Variants in TRPM5 observed in about 807,000 individuals in gnomAD.
TRPM5 encodes MLSN1 and TRP-related.
Under a neutral mutation model 124.9 loss-of-function variants are expected in TRPM5, and 121 were observed. The ratio of observed to expected loss-of-function variants is 0.97; its 90% CI spans 0.84 to 1.13. The LOEUF (loss-of-function observed/expected upper bound fraction) is 1.13, where lower values mean the gene tolerates loss of function less well. Ranked by LOEUF, TRPM5 falls within the 50% of genes most tolerant of loss-of-function variation. The probability of loss-of-function intolerance (pLI) is 0.00; values close to 1 mark genes in which losing one functional copy is unlikely to be tolerated. For missense variants in TRPM5, 1,643 were observed against 1,589.1 expected (o/e 1.03, Z -0.58); for synonymous variants, 781 against 700.5 (o/e 1.11, Z -1.81).
chr11:2,433,740 C>T, the TRPM5 span, among the ~76,000 whole-genome samples: 4 of 152,328 alleles, frequency 2.6e-5, no homozygotes, highest in Admixed American at 6.5e-5. Context: ...CAAGGACCAG[C>T]GTGTGCCTGT....
At chr11:2,424,762 A>T (rs1290222587), upstream of TRPM5, among the ~76,000 whole-genome samples, 1 of 152,158 alleles carries the variant, frequency 6.6e-6, no homozygotes, top group Non-Finnish European at 1.5e-5. Context: ...ACCATGAGAG[A>T]ATCAATTGCC....
At chr11:2,443,464 T>A in the TRPM5 span, among the ~76,000 whole-genome samples, 1 of 152,124 alleles carries the variant, frequency 6.6e-6, no homozygotes, top group Non-Finnish European at 1.5e-5. The surrounding 1 kb of genome is among the most constrained non-coding windows in gnomAD (Gnocchi z 5.0). Flanking sequence ...CCCAGGAAGG[T>A]ACCCTCTCCT....
intron 21 of TRPM5, 65 bp downstream of exon 26, chr11:2,406,596 C>G: frequency 6.5e-7 from 1 of 1,535,906 alleles, no homozygotes; most frequent in Non-Finnish European, 8.8e-7. Context: ...GTCACTGGCG[C>G]CAATGGCACA....
intron 6 of TRPM5, among the ~76,000 whole-genome samples, 155 bp from the exon 12 acceptor site, chr11:2,417,984 C>G (rs558122108): frequency 3.9e-5 from 6 of 152,218 alleles, no homozygotes; most frequent in African/African-American, 1.2e-4. Context: ...TGGGACCACC[C>G]GCAGACCAAG....
upstream of TRPM5, among the ~76,000 whole-genome samples, chr11:2,426,162 C>T (rs1252866852): frequency 1.3e-5 from 2 of 152,144 alleles, no homozygotes; most frequent in Non-Finnish European, 2.9e-5. Flanking sequence ...GGGCCCACAG[C>T]ACCTCCTTCC....
Position 2,418,205 on chromosome 11 carries a change from G to C in TRPM5, c.868C>G (p.His290Asp), listed in dbSNP as rs776460991. ...CGCACGATGTCCTCCCAAGAGAAAT[G>C]CTTGCTGGGGAACTTCTCCTTAAAC... Residue 290 changes from histidine (H) to aspartate (D), a missense_variant, in exon 6 of 24, where the codon CAT (histidine) becomes GAT (aspartate). By Grantham distance (81) the His-to-Asp change is moderately conservative. Coordinates refer to ENST00000155858, the Ensembl canonical transcript of TRPM5. 4.4e-6 allele frequency: 7 copies of C among 1,583,814 alleles called. No individual in the cohort carries two copies. In the East Asian group the frequency reaches 1.4e-4, roughly 31 times the overall value.
At chr11:2,427,350 C>T (rs116698958), upstream of TRPM5, among the ~76,000 whole-genome samples, 533 of 152,326 alleles carry the variant, frequency 3.5e-3, 6 homozygotes, top group African/African-American at 0.012. Flanking sequence ...CACCCTGACA[C>T]GCGGCTGCTG....
chr11:2,425,543 A>G (rs1031376309), upstream of TRPM5, among the ~76,000 whole-genome samples: 2 of 151,806 alleles, frequency 1.3e-5, no homozygotes, highest in Admixed American at 1.3e-4. Flanking sequence ...ACAGTATCCA[A>G]CCATTAGTGT....
At chr11:2,409,532 G>C (rs1034071404) in intron 18 of TRPM5, among the ~76,000 whole-genome samples, 34 of 152,348 alleles carry the variant, frequency 2.2e-4, no homozygotes, top group African/African-American at 8.2e-4. Flanking sequence ...AGTGCAGAGT[G>C]GGGCAGGGGT....
At chr11:2,420,368 C>T (rs769961413) in exon 4 of TRPM5, 10 of 1,612,644 alleles carry the variant, frequency 6.2e-6, no homozygotes, top group Non-Finnish European at 8.5e-6. Flanking sequence ...GCCCTGGCTG[C>T]CGCCGTCATC....
At chr11:2,405,259 C>T (rs574609001) in intron 23 of TRPM5, among the ~76,000 whole-genome samples, 74 of 152,326 alleles carry the variant, frequency 4.9e-4, no homozygotes, top group African/African-American at 1.6e-3. Flanking sequence ...CCGAGGGGCC[C>T]GTTTGCTTGC....
chr11:2,430,746 T>TTGG, the TRPM5 span, among the ~76,000 whole-genome samples: 3 of 103,424 alleles, frequency 2.9e-5, no homozygotes, highest in Non-Finnish European at 6.2e-5. Context: ...GGTGATGGTG[T>TTGG]TGGTGGTGGT....
At chr11:2,408,135 GC>G (rs569886890) in intron 18 of TRPM5, among the ~76,000 whole-genome samples, 202 of 152,262 alleles carry the variant, frequency 1.3e-3, no homozygotes, top group Middle Eastern at 6.8e-3. Context: ...CCCACCCTGG[GC>G]CCCCTCTGCC....
intron 7 of TRPM5, 113 bp from the exon 13 acceptor site, chr11:2,416,137 G>A (rs912561523): frequency 7.1e-6 from 5 of 706,322 alleles, no homozygotes; most frequent in Non-Finnish European, 1.2e-5. Flanking sequence ...GGAACTTCAC[G>A]CTGGGACTTG....
exon 24 of TRPM5, chr11:2,404,919 C>T (rs754783795): frequency 1.4e-4 from 229 of 1,605,068 alleles, no homozygotes; most frequent in Middle Eastern, 7.6e-4. Context: ...TGGCCCCACA[C>T]GTGGCAGGCC....
At chr11:2,434,335 CTG>C in the TRPM5 span, among the ~76,000 whole-genome samples, 2 of 132,238 alleles carry the variant, frequency 1.5e-5, no homozygotes, top group African/African-American at 2.9e-5. Context: ...TGTGCAAATG[CTG>C]TGTGTGTGTG....
chr11:2,414,763 C>G (rs765974029), exon 11 of TRPM5: 7 of 1,550,270 alleles, frequency 4.5e-6, no homozygotes, highest in Non-Finnish European at 1.7e-6. Flanking sequence ...CGGGCCGCCT[C>G]GGCCTCCGTC....
At chr11:2,407,096 C>T in intron 20 of TRPM5, 23 bp downstream of exon 25, 1 of 1,049,186 alleles carries the variant, frequency 9.5e-7, no homozygotes, top group South Asian at 2.0e-5. Flanking sequence ...CACCCAGGTG[C>T]TCCCGCTTGT....
exon 9 of TRPM5, chr11:2,415,366 A>T (rs757460066): frequency 2.5e-6 from 4 of 1,588,932 alleles, no homozygotes; most frequent in Non-Finnish European, 3.4e-6. Context: ...AGCCGCCCAT[A>T]CGTCAGGAAG....
Sources: gnomAD v4.1 joint callset for allele counts (sites outside exome capture counted in the v4.1 genomes callset) on GRCh38, gnomAD v4.1.1 for gene constraint, Gnocchi (gnomAD v3.1) non-coding constraint, MANE v1.5 for transcripts, NCBI Gene and HGNC (gene_info 2026-07-23, HGNC 2026-07-21) for gene names.